MIPEP: variants seen among roughly 807,000 people sequenced by gnomAD.
The protein encoded by MIPEP is mitochondrial intermediate peptidase.
In MIPEP, 79 loss-of-function variants were observed where a neutral mutation model predicts 90.3. That is an observed-to-expected ratio of 0.87 (90% CI 0.73 to 1.05). The LOEUF is 1.05. MIPEP is among the 50% of genes least tolerant of loss of function. The probability of loss-of-function intolerance (pLI) is 0.00; values close to 1 mark genes in which losing one functional copy is unlikely to be tolerated. For synonymous variants in MIPEP, 334 were observed against 315.8 expected, an observed-to-expected ratio of 1.06 and a Z score of -0.61; for missense variants, 940 against 905.6, an observed-to-expected ratio of 1.04 and a Z score of -0.49.
At chr13:23,871,127 T>C (rs1870787151) in intron 5 of MIPEP, among the ~76,000 whole-genome samples, 1 of 152,244 alleles carries the variant, frequency 6.6e-6, no homozygotes, top group Non-Finnish European at 1.5e-5. Context: ...GGCATGGTCC[T>C]TTCTTCTACT....
intron 15 of MIPEP, 122 bp from the exon 16 acceptor site, chr13:23,806,191 A>T: frequency 1.0e-6 from 1 of 974,128 alleles, no homozygotes; most frequent in Non-Finnish European, 1.6e-6. Context: ...AAACAGTCAC[A>T]AAAATAAACT....
intron 16 of MIPEP, among the ~76,000 whole-genome samples, chr13:23,779,207 AG>A (rs1952749561): frequency 6.6e-6 from 1 of 152,218 alleles, no homozygotes; most frequent in Non-Finnish European, 1.5e-5. Flanking sequence ...GAGGACAAAC[AG>A]AAACGTACAG....
chr13:23,781,200 G>C (rs1952778955), intron 16 of MIPEP, among the ~76,000 whole-genome samples: 1 of 152,188 alleles, frequency 6.6e-6, no homozygotes, highest in Non-Finnish European at 1.5e-5. Flanking sequence ...AGGGCAGCCA[G>C]AGAGAAAGGT....
At chr13:23,741,070 C>T (rs981248023) in intron 18 of MIPEP, among the ~76,000 whole-genome samples, 2 of 152,154 alleles carry the variant, frequency 1.3e-5, no homozygotes, top group Non-Finnish European at 2.9e-5. Flanking sequence ...GGACAAATAC[C>T]TCATCAGTTC....
In MIPEP at chr13:23,839,666, C is replaced by T; in HGVS notation, c.1321G>A (p.Ala441Thr). 1.2e-6 allele frequency: 2 copies of T among 1,612,816 alleles called. No individual in the cohort carries two copies. The highest frequency in any genetic ancestry group is 1.7e-6 in the Non-Finnish European group (2 of 1,179,420). Residue 441 changes from alanine (A) to threonine (T), a missense_variant, in exon 12 of 19, where the codon GCA becomes ACA. Transcript: ENST00000382172. The stretch of plus-strand genomic sequence containing the variant: ...AGGATCACCTGATGTGGTTTGTCTG[C>T]TCGCTGAAAAAAATCACAGTAAATG... The part of the protein sequence containing the change: ...GYIYCDFFQR[A>T]DKPHQDCHFT...
intron 10 of MIPEP, among the ~76,000 whole-genome samples, chr13:23,847,540 C>T (rs1869601736): frequency 6.6e-6 from 1 of 150,566 alleles, no homozygotes; most frequent in Admixed American, 6.6e-5. Context: ...TACTGAATTT[C>T]ATGCTGGCAG....
intron 2 of MIPEP, among the ~76,000 whole-genome samples, chr13:23,884,128 A>G (rs1248843786): frequency 6.6e-6 from 1 of 152,144 alleles, no homozygotes; most frequent in Non-Finnish European, 1.5e-5. Context: ...AAGTCAGTCA[A>G]AGGTATACAG....
At chr13:23,872,565 T>C (rs891108257) in intron 5 of MIPEP, among the ~76,000 whole-genome samples, 1 of 152,176 alleles carries the variant, frequency 6.6e-6, no homozygotes, top group Non-Finnish European at 1.5e-5. Flanking sequence ...GGTCTCTCTT[T>C]TGAAAAATGG....
At chr13:23,843,284 G>C (rs998796359) in intron 10 of MIPEP, among the ~76,000 whole-genome samples, 7 of 152,076 alleles carry the variant, frequency 4.6e-5, no homozygotes, top group African/African-American at 1.4e-4. Flanking sequence ...CCAATGCAGG[G>C]ATAAATGTAG....
At chr13:23,802,262 A>G (rs1015758214) in intron 16 of MIPEP, among the ~76,000 whole-genome samples, 1 of 152,174 alleles carries the variant, frequency 6.6e-6, no homozygotes, top group Non-Finnish European at 1.5e-5. Flanking sequence ...TTGTTTATTC[A>G]AAGTAATTTA....
At chr13:23,809,350 CTTT>C (rs71185094) in intron 15 of MIPEP, among the ~76,000 whole-genome samples, 1 of 144,522 alleles carries the variant, frequency 6.9e-6, no homozygotes, top group Non-Finnish European at 1.5e-5. Flanking sequence ...GGGAAATAGT[CTTT>C]TTTTTTTTTT....
intron 10 of MIPEP, among the ~76,000 whole-genome samples, chr13:23,844,908 A>C (rs116373352): frequency 6.6e-6 from 1 of 152,220 alleles, no homozygotes; most frequent in African/African-American, 2.4e-5. Context: ...ATGAATTTCT[A>C]AACTGCCTGT....
At chr13:23,810,934 C>A (rs1953164453) in intron 14 of MIPEP, among the ~76,000 whole-genome samples, 1 of 152,140 alleles carries the variant, frequency 6.6e-6, no homozygotes, top group Non-Finnish European at 1.5e-5. Flanking sequence ...CATTTGGCAG[C>A]AAGAGAAGTA....
At chr13:23,799,669 T>C (rs1434968318) in intron 16 of MIPEP, among the ~76,000 whole-genome samples, 1 of 152,224 alleles carries the variant, frequency 6.6e-6, no homozygotes, top group Non-Finnish European at 1.5e-5. Flanking sequence ...CACTATAATA[T>C]GCCAGTTTGT....
chr13:23,821,657 G>T (rs73450247), intron 14 of MIPEP, among the ~76,000 whole-genome samples: 1 of 152,146 alleles, frequency 6.6e-6, no homozygotes, highest in East Asian at 1.9e-4. Flanking sequence ...AGTATCTGAG[G>T]GGGGTTGGTT....
In MIPEP at chr13:23,809,586, G is replaced by A. The variant is rs551274005; in HGVS notation, c.1728+264C>T. 2.0e-4 allele frequency among the ~76,000 whole-genome samples: 30 copies of A among 152,058 alleles called. No individual in the cohort carries two copies. Among genetic ancestry groups the A allele is most frequent in the Admixed American group, 5.2e-4 (8 of 15,276 alleles). On this transcript the variant is annotated intron_variant, in intron 15 of 18. Transcript: ENST00000382172. ...TCTCAAACTCCTGACCTCGTGATTC[G>A]CCCACCTCGGCCTCCCAAAGTGCTG... is the stretch of plus-strand genomic sequence containing the variant.
At chr13:23,770,448 C>A (rs569951546) in intron 16 of MIPEP, among the ~76,000 whole-genome samples, 15 of 152,320 alleles carry the variant, frequency 9.8e-5, no homozygotes, top group Admixed American at 5.9e-4. Flanking sequence ...AGGATGCTGT[C>A]TCAGTGCCAA....
chr13:23,784,647 T>C (rs2137366741), intron 16 of MIPEP, among the ~76,000 whole-genome samples: 1 of 152,290 alleles, frequency 6.6e-6, no homozygotes, highest in Non-Finnish European at 1.5e-5. Context: ...TGGGATCTAA[T>C]TAAGCTAAAG....
chr13:23,889,188 C>T lies in MIPEP; in HGVS notation c.133G>A (p.Ala45Thr). The T allele has an allele frequency of 2.0e-6, 3 of 1,464,792 alleles. No individual in the cohort carries two copies. The highest frequency in any genetic ancestry group is 2.7e-6 in the Non-Finnish European group (3 of 1,109,904). The allele number at this position is 1,464,792 out of a possible 1,614,324, so 90.7% of individuals were successfully genotyped here. The part of the protein sequence containing the change: ...RVSTSWSPVG[A>T]AFNVKPQGSR... ...CCCTGGGGCTTGACATTGAAGGCGGCGCCCACGGGAGACCAGCTGGTGCTG... is the reference window on the plus strand; with the variant it reads ...CCCTGGGGCTTGACATTGAAGGCGGTGCCCACGGGAGACCAGCTGGTGCTG... The change falls in exon 1 of 19, where the codon GCC becomes ACC. Residue 45 changes from alanine (A) to threonine (T), a missense_variant. Transcript: ENST00000382172.
Sources: allele counts gnomAD v4.1 joint callset (sites outside exome capture counted in the v4.1 genomes callset), GRCh38; gene constraint gnomAD v4.1.1; transcripts MANE v1.5; gene names NCBI Gene and HGNC (gene_info 2026-07-23, HGNC 2026-07-21).